Variants in PPARGC1A observed in about 807,000 individuals in gnomAD.
The protein encoded by PPARGC1A is peroxisome proliferator-activated receptor gamma coactivator 1-alpha.
Under a neutral mutation model 88.7 loss-of-function variants are expected in PPARGC1A, and 25 were observed. The observed-to-expected ratio is 0.28, with a 90% CI of 0.21 to 0.39. PPARGC1A has a LOEUF of 0.39. PPARGC1A is among the 10% of genes least tolerant of loss of function. PPARGC1A has a pLI of 1.00. For missense variants in PPARGC1A, 880 were observed against 968.7 expected (o/e 0.91, Z 1.22); for synonymous variants, 363 against 355.6 (o/e 1.02, Z -0.24).
chr4:24,042,635 C>T, the PPARGC1A span, among the ~76,000 whole-genome samples: 1 of 152,156 alleles, frequency 6.6e-6, no homozygotes, highest in Non-Finnish European at 1.5e-5. Flanking sequence ...AACTGAAGAC[C>T]ATGTGAATAA....
chr4:24,439,525 CACTG>C, the PPARGC1A span, among the ~76,000 whole-genome samples: 2 of 152,106 alleles, frequency 1.3e-5, no homozygotes, highest in African/African-American at 4.8e-5. Flanking sequence ...AAGGAGTACC[CACTG>C]ACTATTTATA....
the PPARGC1A span, among the ~76,000 whole-genome samples, chr4:24,039,073 T>C: frequency 6.6e-6 from 1 of 152,234 alleles, no homozygotes; most frequent in Admixed American, 6.5e-5. Flanking sequence ...CAACTTCACT[T>C]GTCCAAATAT....
At chr4:24,360,487 A>G in the PPARGC1A span, among the ~76,000 whole-genome samples, 21 of 152,032 alleles carry the variant, frequency 1.4e-4, no homozygotes, top group Non-Finnish European at 2.2e-4. Context: ...CTTCATCACC[A>G]TCACTGCTTG....
chr4:23,811,397 C>A (rs531909228), intron 10 of PPARGC1A, among the ~76,000 whole-genome samples: 1 of 152,320 alleles, frequency 6.6e-6, no homozygotes, highest in South Asian at 2.1e-4. Flanking sequence ...CTTCACTGAG[C>A]TAACTCTGAG....
the PPARGC1A span, among the ~76,000 whole-genome samples, chr4:24,146,135 A>T: frequency 6.6e-6 from 1 of 152,242 alleles, no homozygotes; most frequent in Non-Finnish European, 1.5e-5. Flanking sequence ...GATGAGACAC[A>T]TTGTGTCAGG....
At chr4:24,394,411 C>A in the PPARGC1A span, among the ~76,000 whole-genome samples, 23 of 151,968 alleles carry the variant, frequency 1.5e-4, no homozygotes, top group African/African-American at 4.4e-4. Flanking sequence ...GTCTAGGGAC[C>A]CTGAAGTTCA....
chr4:24,008,296 T>C, the PPARGC1A span, among the ~76,000 whole-genome samples: 1 of 152,164 alleles, frequency 6.6e-6, no homozygotes, highest in Non-Finnish European at 1.5e-5. Context: ...ATTTGAAGCC[T>C]GAAGAAAAAG....
the PPARGC1A span, among the ~76,000 whole-genome samples, chr4:24,329,550 C>T: frequency 6.6e-6 from 1 of 152,160 alleles, no homozygotes; most frequent in African/African-American, 2.4e-5. Flanking sequence ...GGCTCTTCCT[C>T]TCTCTTTACC....
At chr4:23,868,444 T>A (rs1303117756) in intron 2 of PPARGC1A, among the ~76,000 whole-genome samples, 1 of 152,192 alleles carries the variant, frequency 6.6e-6, no homozygotes, top group Admixed American at 6.5e-5. Context: ...ATTCTCTCTC[T>A]CTTTCTGAAT....
At chr4:23,796,132 G>C (rs532380812) in intron 12 of PPARGC1A, among the ~76,000 whole-genome samples, 2 of 152,030 alleles carry the variant, frequency 1.3e-5, no homozygotes, top group Admixed American at 1.3e-4. Flanking sequence ...CTGTTGACTC[G>C]TTTAGGCTTA....
chr4:23,998,746 G>A, the PPARGC1A span, among the ~76,000 whole-genome samples: 1 of 152,134 alleles, frequency 6.6e-6, no homozygotes, highest in African/African-American at 2.4e-5. Flanking sequence ...ACTTCCTAGG[G>A]AGAACAAGAG....
chr4:24,099,361 C>A, the PPARGC1A span, among the ~76,000 whole-genome samples: 1 of 149,662 alleles, frequency 6.7e-6, no homozygotes, highest in East Asian at 2.0e-4. Flanking sequence ...ATTTTAAAAC[C>A]TTTTCTGTCA....
chr4:24,309,949 T>C, the PPARGC1A span, among the ~76,000 whole-genome samples: 2 of 152,174 alleles, frequency 1.3e-5, no homozygotes, highest in Non-Finnish European at 2.9e-5. Context: ...AAGCATTGAA[T>C]AGGATTTTCT....
the PPARGC1A span, among the ~76,000 whole-genome samples, chr4:24,366,156 A>G: frequency 6.6e-6 from 1 of 152,196 alleles, no homozygotes; most frequent in South Asian, 2.1e-4. Context: ...TAAGTCAAAA[A>G]TATGATTCGT....
the PPARGC1A span, among the ~76,000 whole-genome samples, chr4:24,435,382 C>A: frequency 1.3e-5 from 2 of 152,202 alleles, no homozygotes; most frequent in East Asian, 3.9e-4. Context: ...CATGCCTTTG[C>A]CCACACTGGG....
the PPARGC1A span, among the ~76,000 whole-genome samples, chr4:23,963,275 T>C: frequency 6.6e-6 from 1 of 152,196 alleles, no homozygotes; most frequent in African/African-American, 2.4e-5. Context: ...TGGCCTCTCT[T>C]ATTGCTATTA....
At chr4:23,919,527 C>T in the PPARGC1A span, among the ~76,000 whole-genome samples, 1 of 142,748 alleles carries the variant, frequency 7.0e-6, no homozygotes, top group African/African-American at 2.7e-5. Context: ...CTCTTTTCAT[C>T]TAATAAAATG....
chr4:24,238,775 G>A, the PPARGC1A span, among the ~76,000 whole-genome samples: 1 of 151,200 alleles, frequency 6.6e-6, no homozygotes, highest in Non-Finnish European at 1.5e-5. Flanking sequence ...GTGTGTGTGT[G>A]TGTGTGTGTG....
the PPARGC1A span, among the ~76,000 whole-genome samples, chr4:23,914,490 T>C: frequency 6.6e-6 from 1 of 152,180 alleles, no homozygotes; most frequent in South Asian, 2.1e-4. Flanking sequence ...CCCACAGTCC[T>C]GCAAAGGCCT....
Sources: allele counts gnomAD v4.1 joint callset (sites outside exome capture counted in the v4.1 genomes callset), GRCh38; gene constraint gnomAD v4.1.1; transcripts MANE v1.5; gene names NCBI Gene and HGNC (gene_info 2026-07-23, HGNC 2026-07-21).